Variants in MDFIC2 observed in about 807,000 individuals in gnomAD.
MDFIC2 encodes the protein MyoD family inhibitor domain containing 2, also known as myoD family inhibitor domain-containing protein 2.
At chr3:70,246,305 C>G (rs1701708098) in intron 2 of MDFIC2, among the ~76,000 whole-genome samples, 1 of 152,074 alleles carries the variant, frequency 6.6e-6, no homozygotes, top group South Asian at 2.1e-4. Flanking sequence ...AGCAACATGT[C>G]AGAAACAGTT....
intron 2 of MDFIC2, among the ~76,000 whole-genome samples, chr3:70,258,266 G>A (rs1018604576): frequency 5.9e-5 from 9 of 152,068 alleles, no homozygotes; most frequent in African/African-American, 1.9e-4. Context: ...CCAAAAGCAT[G>A]AGCCATAAAA....
chr3:70,248,330 G>T (rs1332619048), intron 2 of MDFIC2, among the ~76,000 whole-genome samples: 1 of 152,166 alleles, frequency 6.6e-6, no homozygotes. Flanking sequence ...CACCTCTGAA[G>T]GAGTTTATAA....
At chr3:70,223,294 ACT>A (rs1300879802) in intron 2 of MDFIC2, among the ~76,000 whole-genome samples, 1 of 151,934 alleles carries the variant, frequency 6.6e-6, no homozygotes, top group African/African-American at 2.4e-5. Context: ...CACAGTCAAG[ACT>A]CAACTCACTT....
intron 2 of MDFIC2, among the ~76,000 whole-genome samples, chr3:70,271,598 A>T (rs1701975961): frequency 6.6e-6 from 1 of 152,168 alleles, no homozygotes; most frequent in Non-Finnish European, 1.5e-5. Flanking sequence ...TTGGTCCATT[A>T]CTTTCATCTT....
chr3:70,241,566 T>A (rs145486745), intron 2 of MDFIC2, among the ~76,000 whole-genome samples: 1,654 of 152,238 alleles, frequency 0.011, 22 homozygotes, highest in African/African-American at 0.036. Context: ...GTATTCTTGT[T>A]AGTATTTTTC....
intron 2 of MDFIC2, among the ~76,000 whole-genome samples, chr3:70,290,523 G>A (rs1265852904): frequency 6.6e-6 from 1 of 152,230 alleles, no homozygotes; most frequent in East Asian, 1.9e-4. Context: ...GTTTGTCTGT[G>A]CCCTGCCCCC....
At chr3:70,238,081 G>T (rs1430549564) in intron 2 of MDFIC2, among the ~76,000 whole-genome samples, 2 of 132,546 alleles carry the variant, frequency 1.5e-5, no homozygotes, top group Admixed American at 1.8e-4. Context: ...ACCTTGAGTG[G>T]AAATGGCTTG....
intron 2 of MDFIC2, among the ~76,000 whole-genome samples, chr3:70,278,945 C>A (rs562176363): frequency 6.6e-6 from 1 of 151,446 alleles, no homozygotes; most frequent in African/African-American, 2.4e-5. Flanking sequence ...TCTTTCTCCT[C>A]TTCATAGTGG....
intron 3 of MDFIC2, among the ~76,000 whole-genome samples, chr3:70,198,885 G>C (rs550012197): frequency 6.6e-6 from 1 of 152,108 alleles, no homozygotes; most frequent in Admixed American, 6.6e-5. Flanking sequence ...AAATGCAAGA[G>C]TAAGTTAGTA....
At chr3:70,254,318 A>C (rs1021385024) in intron 2 of MDFIC2, among the ~76,000 whole-genome samples, 4 of 152,172 alleles carry the variant, frequency 2.6e-5, no homozygotes, top group Non-Finnish European at 5.9e-5. Flanking sequence ...TCAACCCCAA[A>C]CATTCTAAAA....
At chr3:70,267,578 A>ATTTTTTTTTTTTTT (rs377637066) in intron 2 of MDFIC2, among the ~76,000 whole-genome samples, 1 of 132,806 alleles carries the variant, frequency 7.5e-6, no homozygotes, top group African/African-American at 2.9e-5. Context: ...AATTTTTTGT[A>ATTTTTTTTTTTTTT]TTTTTTTTTT....
intron 2 of MDFIC2, among the ~76,000 whole-genome samples, chr3:70,271,600 T>C (rs2106672046): frequency 6.6e-6 from 1 of 152,310 alleles, no homozygotes; most frequent in East Asian, 1.9e-4. Context: ...GGTCCATTAC[T>C]TTCATCTTAT....
intron 2 of MDFIC2, among the ~76,000 whole-genome samples, chr3:70,264,064 T>G (rs6549314): frequency 1 from 152,254 of 152,300 alleles, 76,104 homozygotes; most frequent in East Asian, 1. Context: ...TCATCTTGTG[T>G]CTAGCACAAT....
intron 1 of MDFIC2, among the ~76,000 whole-genome samples, 162 bp downstream of exon 1, chr3:70,312,384 TCAGGA>T (rs1159320202): frequency 6.6e-6 from 1 of 152,228 alleles, no homozygotes; most frequent in Non-Finnish European, 1.5e-5. Flanking sequence ...AAGCATCTTT[TCAGGA>T]ATTTATTGGG....
chr3:70,266,354 A>G (rs1167677869), intron 2 of MDFIC2, among the ~76,000 whole-genome samples: 1 of 152,166 alleles, frequency 6.6e-6, no homozygotes, highest in East Asian at 1.9e-4. Flanking sequence ...AAATATAAAC[A>G]TTTTGGGGCA....
chr3:70,274,090 T>TGTGTGTGTGCGC lies in MDFIC2; in HGVS notation c.88+37795_88+37796insGCGCACACACAC, dbSNP rs770689062. 2.8e-4 allele frequency among the ~76,000 whole-genome samples: 40 copies of TGTGTGTGTGCGC among 145,062 alleles called. No individual in the cohort carries two copies. The South Asian group carries it at 8.5e-3, about 31-fold the overall frequency. ...GTGTGTGTGTGTGTGTGTGTGTGTGTGCGCGCGCGCATGTGTGTGTGTGAG... is the reference window on the plus strand; with the variant it reads ...GTGTGTGTGTGTGTGTGTGTGTGTGTGTGTGTGTGCGCGCGCGCGCGCATGTGTGTGTGTGAG... On this transcript the variant is annotated intron_variant, in intron 2 of 3. Coordinates refer to ENST00000567252, the MANE Select transcript of MDFIC2 (RefSeq NM_001364677.1).
intron 2 of MDFIC2, among the ~76,000 whole-genome samples, chr3:70,250,264 G>A (rs943183750): frequency 5.3e-5 from 8 of 152,028 alleles, no homozygotes; most frequent in Non-Finnish European, 8.8e-5. Context: ...AATCTCTCAC[G>A]TTCTATTGAT....
chr3:70,280,984 T>C (rs1475953724), intron 2 of MDFIC2, among the ~76,000 whole-genome samples: 1 of 152,204 alleles, frequency 6.6e-6, no homozygotes, highest in Non-Finnish European at 1.5e-5. Context: ...CAGCTGTACA[T>C]AGTTTGTTAA....
At chr3:70,209,368 GC>G (rs1701320514) in intron 2 of MDFIC2, among the ~76,000 whole-genome samples, 1 of 151,988 alleles carries the variant, frequency 6.6e-6, no homozygotes, top group South Asian at 2.1e-4. Context: ...GAAAAGCACT[GC>G]TTTACACACA....
Sources: allele counts gnomAD v4.1 joint callset (sites outside exome capture counted in the v4.1 genomes callset), GRCh38; gene constraint gnomAD v4.1.1; transcripts MANE v1.5; gene names NCBI Gene and HGNC (gene_info 2026-07-23, HGNC 2026-07-21).